The following PNKD variants were observed in gnomAD, a reference collection of about 807,000 sequenced individuals.
PNKD encodes the protein probable thioesterase PNKD.
PNKD carries 36 observed loss-of-function variants against 45.3 expected under a neutral mutation model. The observed-to-expected ratio is 0.80, with a 90% CI of 0.61 to 1.05. The LOEUF (loss-of-function observed/expected upper bound fraction) is 1.05. PNKD is among the 50% of genes least tolerant of loss of function. PNKD has a pLI of 0.00. For missense variants in PNKD, 511 were observed against 506.6 expected (o/e 1.01, Z -0.08); for synonymous variants, 197 against 210.1 (o/e 0.94, Z 0.54).
chr2:218,294,643 A>C (rs1332273947), intron 2 of PNKD, among the ~76,000 whole-genome samples: 2 of 152,088 alleles, frequency 1.3e-5, no homozygotes, highest in African/African-American at 4.8e-5. Context: ...ACACCTGGCT[A>C]ATTTTTGTAT....
At chr2:218,338,193 G>A (rs939924093) in intron 2 of PNKD, among the ~76,000 whole-genome samples, 1 of 151,940 alleles carries the variant, frequency 6.6e-6, no homozygotes, top group African/African-American at 2.4e-5. Flanking sequence ...AGGCACAGTG[G>A]CTCACACCTG....
intron 2 of PNKD, among the ~76,000 whole-genome samples, chr2:218,283,307 G>A (rs373044454): frequency 6.6e-6 from 1 of 152,232 alleles, no homozygotes; most frequent in Non-Finnish European, 1.5e-5. Flanking sequence ...GAACTCGCAG[G>A]TCAGTGGCAT....
At position 218,320,185 on chromosome 2, in the gene PNKD, G is replaced by C. The variant is rs140011298; in HGVS notation, c.237-19598G>C. Among the ~76,000 whole-genome samples the C allele has an allele frequency of 2.1e-3, 317 of 152,344 alleles. 3 individuals carry two copies. The highest frequency in any genetic ancestry group is 7.1e-3 in the African/African-American group (294 of 41,570). On this transcript the variant is annotated intron_variant, in intron 2 of 9. Transcript: ENST00000273077. ...CTGGCACTATGCCAGACACTGGAGAGTTGAAGATGAATAAATTAAATCCTT... is the reference window on the plus strand; with the variant it reads ...CTGGCACTATGCCAGACACTGGAGACTTGAAGATGAATAAATTAAATCCTT...
rs951034244 is a variant in PNKD at position 218,281,866 on chromosome 2, C to A, written c.236+10317C>A. The A allele has an allele frequency of 1.2e-5, 14 of 1,136,464 alleles. No homozygotes were observed. The African/African-American group carries it at 1.6e-4, about 13-fold the overall frequency. The allele number at this position is 1,136,464 out of a possible 1,614,324, so 70.4% of individuals were successfully genotyped here. On this transcript the variant is annotated intron_variant, in intron 2 of 9. Coordinates refer to ENST00000273077, the MANE Select transcript of PNKD (RefSeq NM_015488.5). ...AAGGGAAACTAGAAGAGAAAAGGGG[C>A]AGGAGGCGGTGGCCTCATCTGCTCC...
intron 1 of PNKD, 36 bp downstream of exon 1, chr2:218,270,638 G>T (rs1049637370): frequency 3.2e-6 from 2 of 622,856 alleles, no homozygotes; most frequent in Admixed American, 8.3e-5. Flanking sequence ...CAGGACTGCA[G>T]AAGATCCCTT....
intron 2 of PNKD, chr2:218,292,616 G>A (rs1206455161): frequency 2.0e-5 from 3 of 151,848 alleles, no homozygotes; most frequent in African/African-American, 7.3e-5. Flanking sequence ...GGGGCGCAGG[G>A]GTCTGTCCCG....
intron 1 of PNKD, 123 bp from the exon 2 acceptor site, chr2:218,271,258 C>A (rs766739887): frequency 6.9e-6 from 6 of 864,314 alleles, no homozygotes; most frequent in Non-Finnish European, 1.0e-5. Context: ...CTTCTTACTT[C>A]AGACTGCAGT....
intron 2 of PNKD, among the ~76,000 whole-genome samples, chr2:218,305,124 C>T (rs190855662): frequency 6.6e-5 from 10 of 152,172 alleles, no homozygotes; most frequent in African/African-American, 1.9e-4. Flanking sequence ...CTTATAGAGT[C>T]GTGACAATGA....
At chr2:218,315,082 C>CCTTCCTTCCTTCCTT (rs3055251) in intron 2 of PNKD, among the ~76,000 whole-genome samples, 1 of 77,788 alleles carries the variant, frequency 1.3e-5, no homozygotes. Context: ...TCCTTTCTTT[C>CCTTCCTTCCTTCCTT]TCTCTCTCTC....
intron 2 of PNKD, among the ~76,000 whole-genome samples, chr2:218,304,183 C>T (rs751597285): frequency 5.9e-5 from 9 of 151,746 alleles, no homozygotes; most frequent in African/African-American, 1.5e-4. Context: ...GACAGAGTTT[C>T]GCTCTTGTTG....
intron 2 of PNKD, chr2:218,278,504 C>T: frequency 6.2e-7 from 1 of 1,614,076 alleles, no homozygotes; most frequent in Non-Finnish European, 8.5e-7. Flanking sequence ...TGTTAAGTCT[C>T]TGGGACTCAC....
intron 2 of PNKD, chr2:218,280,665 C>T (rs539091418): frequency 1.7e-3 from 271 of 156,502 alleles, no homozygotes; most frequent in African/African-American, 6.3e-3. Context: ...GCTGACACCC[C>T]TCTGGGGTTC....
intron 2 of PNKD, chr2:218,327,201 C>G (rs1694178045): frequency 6.6e-6 from 1 of 152,280 alleles, no homozygotes; most frequent in Admixed American, 6.5e-5. Flanking sequence ...CAAGCCCCCT[C>G]TCCATTCCTA....
chr2:218,275,319 A>G (rs1487255307), intron 2 of PNKD: 2 of 990,118 alleles, frequency 2.0e-6, no homozygotes, highest in East Asian at 5.6e-5. Context: ...ACACATCCAT[A>G]GCCAGAGAGG....
chr2:218,284,900 GGCC>G (rs1692377711), intron 2 of PNKD, among the ~76,000 whole-genome samples: 1 of 152,224 alleles, frequency 6.6e-6, no homozygotes, highest in Non-Finnish European at 1.5e-5. Context: ...AGACCAGCCT[GGCC>G]AAATGGTGAA....
intron 2 of PNKD, among the ~76,000 whole-genome samples, chr2:218,282,374 T>C (rs1387389460): frequency 6.6e-6 from 1 of 152,284 alleles, no homozygotes; most frequent in South Asian, 2.1e-4. Context: ...CCTCCTGCCT[T>C]TGCGCCTGCT....
At chr2:218,342,657 G>A (rs1242888517) in intron 7 of PNKD, among the ~76,000 whole-genome samples, 4 of 151,914 alleles carry the variant, frequency 2.6e-5, no homozygotes, top group African/African-American at 4.8e-5. Flanking sequence ...CTGAGATCGC[G>A]CCACTGCACT....
At chr2:218,291,358 A>G (rs1348191857) in intron 2 of PNKD, among the ~76,000 whole-genome samples, 1 of 152,184 alleles carries the variant, frequency 6.6e-6, no homozygotes, top group Non-Finnish European at 1.5e-5. Context: ...CTTTGCGCCA[A>G]TAAAGCAGCC....
chr2:218,276,598 C>G (rs901222598), intron 2 of PNKD, among the ~76,000 whole-genome samples: 2 of 152,104 alleles, frequency 1.3e-5, no homozygotes, highest in Non-Finnish European at 2.9e-5. Context: ...CGGCACTGTT[C>G]TCCCCCAGCT....
Sources: gnomAD v4.1 joint callset for allele counts (sites outside exome capture counted in the v4.1 genomes callset) on GRCh38, gnomAD v4.1.1 for gene constraint, MANE v1.5 for transcripts, NCBI Gene and HGNC (gene_info 2026-07-23, HGNC 2026-07-21) for gene names.